Variants in GTF2B observed in about 807,000 individuals in gnomAD.
GTF2B encodes general transcription factor IIB, also known as transcription initiation factor IIB.
GTF2B carries 20 observed loss-of-function variants against 34.6 expected under a neutral mutation model. The observed-to-expected ratio is 0.58, with a 90% CI of 0.41 to 0.84. GTF2B has a LOEUF of 0.84. Ranked by LOEUF, GTF2B falls within the 40% of genes least tolerant of loss-of-function variation. The probability of loss-of-function intolerance (pLI) is 0.00; values close to 1 mark genes in which losing one functional copy is unlikely to be tolerated. For synonymous variants in GTF2B, 142 were observed against 132.4 expected (o/e 1.07, Z -0.50); for missense variants, 237 against 393.3 (o/e 0.60, Z 3.36).
At position 88,885,033 on chromosome 1, in the gene GTF2B, T is replaced by A. The variant is rs572390671; in HGVS notation, c.124+2228A>T. 5.3e-5 allele frequency among the ~76,000 whole-genome samples: 8 copies of A among 152,368 alleles called. 1 individual carries two copies. The East Asian group carries it at 1.5e-3, about 29-fold the overall frequency. ...ATGCTGAGCAGCAGAAAAAAAGTGA[T>A]GAGAGCTGCACATGTGGTTTCTGTT... is the stretch of plus-strand genomic sequence containing the variant. On this transcript the variant is annotated intron_variant, in intron 2 of 6. Transcript: ENST00000370500.
chr1:88,880,258 T>C (rs376856326), intron 2 of GTF2B, among the ~76,000 whole-genome samples: 126 of 152,278 alleles, frequency 8.3e-4, no homozygotes, highest in African/African-American at 2.8e-3. Context: ...CAAATTCCCA[T>C]GAAAAACAGT....
chr1:88,888,894 G>T (rs998050264), intron 1 of GTF2B, among the ~76,000 whole-genome samples: 1 of 152,208 alleles, frequency 6.6e-6, no homozygotes, highest in Non-Finnish European at 1.5e-5. Context: ...GAGGGGGAAT[G>T]ACTGAGGACA....
intron 2 of GTF2B, among the ~76,000 whole-genome samples, chr1:88,882,007 C>CTT (rs1349034349): frequency 1.3e-5 from 2 of 151,952 alleles, no homozygotes; most frequent in East Asian, 3.9e-4. Flanking sequence ...TAATGGGATA[C>CTT]TTTTACATTA....
In GTF2B at chr1:88,881,916, G is replaced by C. The variant is rs144420033; in HGVS notation, c.124+5345C>G. On this transcript the variant is annotated intron_variant, in intron 2 of 6. Transcript: ENST00000370500. ...AGAAAGCATACAAGTCTTGTGAATT[G>C]TATCTTCCTTTTTCAGTTGATTAAT... Among the ~76,000 whole-genome samples the C allele has an allele frequency of 2.6e-3, 397 of 152,262 alleles. 1 individual carries two copies. The highest frequency in any genetic ancestry group is 4.4e-3 in the Non-Finnish European group (299 of 68,026).
chr1:88,864,075 A>C lies in GTF2B; in HGVS notation c.164T>G (p.Phe55Cys). The change falls in exon 3 of 7, where the codon TTC (phenylalanine) becomes TGC (cysteine). Residue 55 changes from phenylalanine (F) to cysteine (C), a missense_variant. By Grantham distance (205) the Phe-to-Cys change is radical. Transcript: ENST00000370500. ...VIDVGSEWRT[F>C]SNDKATKDPS... ...ATCTTTTGTTGCTTTGTCATTGCTG[A>C]AAGTTCGCCATTCAGATCCCACATC... 1 of 1,613,800 alleles carries C rather than the reference A, an allele frequency of 6.2e-7. No homozygotes were observed. Among genetic ancestry groups the C allele is most frequent in the Non-Finnish European group, 8.5e-7 (1 of 1,179,678 alleles).
chr1:88,879,040 G>A lies in GTF2B; in HGVS notation c.124+8221C>T, dbSNP rs571562880. ...TAAAATGGTTGTTGTAAGCCACTAA[G>A]TTTTGAGGTAGTTTGTAATGTAACT... On this transcript the variant is annotated intron_variant, in intron 2 of 6. Coordinates refer to ENST00000370500, the MANE Select transcript of GTF2B (RefSeq NM_001514.6). Among the ~76,000 whole-genome samples, 9 of 152,256 alleles carry A rather than the reference G, an allele frequency of 5.9e-5. No individual in the cohort carries two copies. In the South Asian group the frequency reaches 1.7e-3, roughly 28 times the overall value.
At chr1:88,876,971 G>A (rs896230561) in intron 2 of GTF2B, among the ~76,000 whole-genome samples, 1 of 152,180 alleles carries the variant, frequency 6.6e-6, no homozygotes, top group Non-Finnish European at 1.5e-5. Flanking sequence ...AAAGGAGTTT[G>A]CAGTGTAGGT....
intron 2 of GTF2B, among the ~76,000 whole-genome samples, chr1:88,870,946 G>C (rs1673678962): frequency 7.1e-6 from 1 of 141,160 alleles, no homozygotes; most frequent in Non-Finnish European, 1.5e-5. Context: ...CAGTCACCCA[G>C]GCTGGAGCGC....
At chr1:88,873,687 A>G (rs1385936926) in intron 2 of GTF2B, among the ~76,000 whole-genome samples, 1 of 152,192 alleles carries the variant, frequency 6.6e-6, no homozygotes, top group Non-Finnish European at 1.5e-5. Context: ...TGCATTTTGT[A>G]GCACGGGACA....
At chr1:88,885,263 A>G (rs1265152067) in intron 2 of GTF2B, among the ~76,000 whole-genome samples, 1 of 149,710 alleles carries the variant, frequency 6.7e-6, no homozygotes, top group East Asian at 1.9e-4. Context: ...ACATGCTGAA[A>G]CCCTGTCTCT....
Position 88,891,523 on chromosome 1 carries a change from C to T in GTF2B, c.-24G>A. On this transcript the variant is annotated 5_prime_UTR_variant, in exon 1 of 7. Transcript: ENST00000370500. ...ATCTTCACGGCGACTGCGGTGCCCG[C>T]AACAAGACACAACAGACACACCGAA... 1 of 1,596,898 alleles carries T rather than the reference C, an allele frequency of 6.3e-7. No individual in the cohort carries two copies.
At chr1:88,856,720 T>C (rs1468975998) in intron 6 of GTF2B, among the ~76,000 whole-genome samples, 1 of 152,114 alleles carries the variant, frequency 6.6e-6, no homozygotes, top group East Asian at 1.9e-4. Context: ...GTTATGTCTC[T>C]GAACATTTTT....
At position 88,891,377 on chromosome 1, in the gene GTF2B, C is replaced by G. The variant is rs964363086; in HGVS notation, c.17+106G>C. On this transcript the variant is annotated intron_variant, in intron 1 of 6. Transcript: ENST00000370500. ...TCGGCCAGTCCCGCCGCTTCTCTCC[C>G]ATACCCCTAGGCGCTCAGCCCTACG... 1.8e-5 allele frequency: 14 copies of G among 788,860 alleles called. No homozygotes were observed. In the South Asian group the frequency reaches 2.3e-4, roughly 13 times the overall value. The allele number at this position is 788,860 out of a possible 1,614,324, so 48.9% of individuals were successfully genotyped here. A position where few individuals can be genotyped will look rare whatever the true frequency, so the allele number is the denominator to read the frequency against.
At chr1:88,855,820 ATT>A (rs917784165) in intron 6 of GTF2B, among the ~76,000 whole-genome samples, 44 of 148,912 alleles carry the variant, frequency 3.0e-4, no homozygotes, top group African/African-American at 1.1e-3. Flanking sequence ...CACCCGACTA[ATT>A]TTTTTGTGTT....
intron 2 of GTF2B, among the ~76,000 whole-genome samples, chr1:88,881,240 C>T (rs138449253): frequency 2.0e-5 from 3 of 151,242 alleles, no homozygotes; most frequent in Non-Finnish European, 4.4e-5. Context: ...CAGTACAATA[C>T]CACTGTACAG....
rs985868728 is a variant in GTF2B, at chr1:88,889,904, G to A, written c.17+1579C>T. On this transcript the variant is annotated intron_variant, in intron 1 of 6. Coordinates refer to ENST00000370500, the MANE Select transcript of GTF2B (RefSeq NM_001514.6). Reference sequence around the variant, plus strand: ...AAAAATAAAAAAATTAGCCAGGCACGTGGTGTGTACCTATGGTCCCAGCTA... The same window carrying A: ...AAAAATAAAAAAATTAGCCAGGCACATGGTGTGTACCTATGGTCCCAGCTA... Among the ~76,000 whole-genome samples, 4 of 152,108 alleles carry A rather than the reference G, an allele frequency of 2.6e-5. No homozygotes were observed. In the South Asian group the frequency reaches 8.3e-4, roughly 32 times the overall value.
chr1:88,878,103 T>C (rs1673854721), intron 2 of GTF2B, among the ~76,000 whole-genome samples: 1 of 152,020 alleles, frequency 6.6e-6, no homozygotes, highest in South Asian at 2.1e-4. Context: ...ACCTCGTCTC[T>C]ACAAAAAAAT....
intron 2 of GTF2B, among the ~76,000 whole-genome samples, chr1:88,871,046 C>A (rs764108950): frequency 2.7e-4 from 41 of 151,980 alleles, no homozygotes; most frequent in Admixed American, 5.9e-4. Context: ...GGACTACAGG[C>A]GTGTGCCACC....
chr1:88,881,954 G>A (rs1014623528), intron 2 of GTF2B, among the ~76,000 whole-genome samples: 1 of 152,114 alleles, frequency 6.6e-6, no homozygotes, highest in South Asian at 2.1e-4. Flanking sequence ...CCACTGTCTT[G>A]CTGGTTAAAG....
Sources: gnomAD v4.1 joint callset for allele counts (sites outside exome capture counted in the v4.1 genomes callset) on GRCh38, gnomAD v4.1.1 for gene constraint, MANE v1.5 for transcripts, NCBI Gene and HGNC (gene_info 2026-07-23, HGNC 2026-07-21) for gene names.